GCA: variants seen among roughly 807,000 people sequenced by gnomAD.
The protein encoded by GCA is grancalcin, EF-hand calcium-binding protein.
A neutral mutation model predicts 32.6 loss-of-function variants in GCA; 30 were observed. The observed-to-expected ratio is 0.92, with a 90% CI of 0.69 to 1.25. The LOEUF is 1.25. Among genes scored for constraint, GCA ranks in the 50% most tolerant of loss-of-function variants. The pLI is 0.00. For missense variants in GCA, 291 were observed against 266.8 expected (o/e 1.09, Z -0.63); for synonymous variants, 102 against 84.6 (o/e 1.21, Z -1.13).
At chr2:162,329,967 C>T (rs997829493) in intron 1 of GCA, among the ~76,000 whole-genome samples, 3 of 152,122 alleles carry the variant, frequency 2.0e-5, no homozygotes, top group African/African-American at 7.2e-5. Flanking sequence ...AAATAATGGC[C>T]TCTAGCTCCA....
chr2:162,361,183 A>G lies in GCA; in HGVS notation c.*940A>G, dbSNP rs1685556022. 2 of 985,102 alleles carry G rather than the reference A, an allele frequency of 2.0e-6. No individual in the cohort carries two copies. The highest frequency in any genetic ancestry group is 1.7e-5 in the African/African-American group (1 of 57,196). 61.0% of individuals were successfully genotyped at this position (985,102 alleles called of 1,614,324 possible). On this transcript the variant is annotated 3_prime_UTR_variant, in exon 8 of 8. Coordinates refer to ENST00000437150, the MANE Select transcript of GCA (RefSeq NM_012198.5). ...CATTAACATTAGTGGTGGCTTTGCC[A>G]TTAAAAACCCAGTAAGTATTTTGAG...
At position 162,359,276 on chromosome 2, in the gene GCA, A is replaced by T; in HGVS notation, c.568+119A>T. 3 of 683,460 alleles carry T rather than the reference A, an allele frequency of 4.4e-6. No homozygotes were observed. In the South Asian group the frequency reaches 5.2e-5, roughly 12 times the overall value. The allele number at this position is 683,460 out of a possible 1,614,324, so 42.3% of individuals were successfully genotyped here. On this transcript the variant is annotated intron_variant, in intron 6 of 7. Coordinates refer to ENST00000437150, the MANE Select transcript of GCA (RefSeq NM_012198.5). Reference sequence around the variant, plus strand: ...TGTTTTCTCCCTTTATTCACTGTTAAATCTAATTAGTTTAAAGGCTTCAAA... The same window carrying T: ...TGTTTTCTCCCTTTATTCACTGTTATATCTAATTAGTTTAAAGGCTTCAAA...
In GCA at chr2:162,359,533, C is replaced by A; in HGVS notation, c.608C>A (p.Ala203Glu). 6.5e-7 allele frequency: 1 copy of A among 1,536,354 alleles called. No individual in the cohort carries two copies. Among genetic ancestry groups the A allele is most frequent in the Non-Finnish European group, 8.9e-7 (1 of 1,118,576 alleles). Residue 203 changes from alanine to glutamate, a missense_variant, in exon 7 of 8, where the codon GCG (alanine) becomes GAG (glutamate). By Grantham distance (107) the Ala-to-Glu change is moderately radical. Coordinates refer to ENST00000437150, the MANE Select transcript of GCA (RefSeq NM_012198.5). ...AGAGACCACTTGCAACAAGGGTCTG[C>A]GAATTTCATATATGACGATGTGAGT... ...RKRDHLQQGS[A>E]NFIYDDFLQG...
In GCA at chr2:162,362,603, A is replaced by T; in HGVS notation, c.*2360A>T. On this transcript the variant is annotated 3_prime_UTR_variant, in exon 8 of 8. Coordinates refer to ENST00000437150, the MANE Select transcript of GCA (RefSeq NM_012198.5). Reference sequence around the variant, plus strand: ...AAACATGTTTCCATGTCATTTTGAGAATTTTTTTAATAAACATTCAAATAG... The same window carrying T: ...AAACATGTTTCCATGTCATTTTGAGTATTTTTTTAATAAACATTCAAATAG... The T allele has an allele frequency of 2.2e-6, 2 of 921,150 alleles. No individual in the cohort carries two copies. The highest frequency in any genetic ancestry group is 2.6e-6 in the Non-Finnish European group (2 of 771,602). The allele number at this position is 921,150 out of a possible 1,614,324, so 57.1% of individuals were successfully genotyped here.
chr2:162,366,640 G>T (rs976525850), downstream of GCA, among the ~76,000 whole-genome samples: 1 of 151,890 alleles, frequency 6.6e-6, no homozygotes. Flanking sequence ...CTTTTAGTTT[G>T]TAAAGTGGTT....
At position 162,360,856 on chromosome 2, in the gene GCA, GTATTA is replaced by G; in HGVS notation, c.*617_*621del. 1.8e-6 allele frequency: 2 copies of G among 1,139,924 alleles called. No homozygotes were observed. Among genetic ancestry groups the G allele is most frequent in the Non-Finnish European group, 1.1e-6 (1 of 904,296 alleles). The allele number at this position is 1,139,924 out of a possible 1,614,324, so 70.6% of individuals were successfully genotyped here. ...ATTGTTTTTTCCTTTTTTATTTTTT[GTATTA>G]TATATTTTTCTTAAATATGTTTTAT... is the stretch of plus-strand genomic sequence containing the variant. On this transcript the variant is annotated 3_prime_UTR_variant, in exon 8 of 8. Coordinates refer to ENST00000437150, the MANE Select transcript of GCA (RefSeq NM_012198.5).
At chr2:162,339,453 C>T (rs1001439306), upstream of GCA, among the ~76,000 whole-genome samples, 76 of 152,082 alleles carry the variant, frequency 5.0e-4, no homozygotes, top group African/African-American at 1.7e-3. Context: ...TGTGACAGAA[C>T]AACAGTGAAC....
chr2:162,346,668 T>G (rs1479354787), intron 1 of GCA: 1 of 152,232 alleles, frequency 6.6e-6, no homozygotes, highest in Admixed American at 6.5e-5. Flanking sequence ...CCAACAAGGT[T>G]CATCCCTAAA....
At chr2:162,357,814 A>G (rs1241284144) in intron 5 of GCA, among the ~76,000 whole-genome samples, 2 of 151,646 alleles carry the variant, frequency 1.3e-5, no homozygotes, top group Non-Finnish European at 3.0e-5. Flanking sequence ...GAAAACCTCC[A>G]GAGTTCCCGT....
chr2:162,371,877 G>C, downstream of GCA: 3 of 1,613,350 alleles, frequency 1.9e-6, no homozygotes, highest in Non-Finnish European at 2.5e-6. Context: ...GAAGACCCAC[G>C]ATTCCTACAG....
At chr2:162,337,713 A>G (rs961157123) in intron 1 of GCA, among the ~76,000 whole-genome samples, 1 of 152,180 alleles carries the variant, frequency 6.6e-6, no homozygotes, top group Non-Finnish European at 1.5e-5. Flanking sequence ...TTGTACCAGG[A>G]GAGTACTAAG....
At chr2:162,327,218 C>T (rs765035540) in intron 1 of GCA, among the ~76,000 whole-genome samples, 1 of 152,078 alleles carries the variant, frequency 6.6e-6, no homozygotes, top group Non-Finnish European at 1.5e-5. Context: ...AAGCTTAAAT[C>T]GAGTTTGGGA....
chr2:162,341,743 T>G (rs936039382), upstream of GCA, among the ~76,000 whole-genome samples: 1 of 152,176 alleles, frequency 6.6e-6, no homozygotes, highest in Non-Finnish European at 1.5e-5. Context: ...GCACTATGGT[T>G]GGGGATGGAG....
At chr2:162,369,840 G>A (rs1685869825) in intron 4 of GCA, among the ~76,000 whole-genome samples, 1 of 152,088 alleles carries the variant, frequency 6.6e-6, no homozygotes, top group Non-Finnish European at 1.5e-5. Flanking sequence ...TAGGCACCAT[G>A]GAATGTTGAG....
downstream of GCA, among the ~76,000 whole-genome samples, chr2:162,373,299 G>A (rs1237755627): frequency 6.6e-6 from 1 of 152,026 alleles, no homozygotes; most frequent in African/African-American, 2.4e-5. Context: ...ATCAGCGTGG[G>A]CTTGTTTAAA....
intron 1 of GCA, among the ~76,000 whole-genome samples, chr2:162,328,719 A>G (rs371198146): frequency 7.9e-5 from 12 of 152,310 alleles, no homozygotes; most frequent in East Asian, 5.8e-4. Context: ...AACCAGCTCA[A>G]TTAAACCCTC....
upstream of GCA, among the ~76,000 whole-genome samples, chr2:162,342,910 CTATT>C (rs1684498552): frequency 6.6e-6 from 1 of 152,224 alleles, no homozygotes; most frequent in African/African-American, 2.4e-5. Context: ...CCCTTCCCCT[CTATT>C]TATTTATGCC....
chr2:162,352,462 CTT>C, intron 3 of GCA, 55 bp downstream of exon 3: 1 of 1,049,162 alleles, frequency 9.5e-7, no homozygotes, highest in African/African-American at 1.6e-5. Flanking sequence ...TATTTTCTTA[CTT>C]TTTTTGTCCC....
rs1035593087 is a variant in GCA at position 162,370,886 on chromosome 2, C to T, written c.366-420C>T. Among the ~76,000 whole-genome samples, 6 of 152,200 alleles carry T rather than the reference C, an allele frequency of 3.9e-5. No homozygotes were observed. The East Asian group carries it at 1.2e-3, about 30-fold the overall frequency. On this transcript the variant is annotated intron_variant, in intron 4 of 4. Transcript: ENST00000414723. ...TCAACCCATCCTCCCACCTCAGTCT[C>T]TCAAGTAGCTGGGTTTACAGGTGTG... is the stretch of plus-strand genomic sequence containing the variant.
Sources: gnomAD v4.1 joint callset for allele counts (sites outside exome capture counted in the v4.1 genomes callset) on GRCh38, gnomAD v4.1.1 for gene constraint, MANE v1.5 for transcripts, NCBI Gene and HGNC (gene_info 2026-07-23, HGNC 2026-07-21) for gene names.